The following PDE6B variants were observed in gnomAD, a reference collection of about 807,000 sequenced individuals.
PDE6B encodes phosphodiesterase 6B, also known as rod cGMP-specific 3',5'-cyclic phosphodiesterase subunit beta.
A neutral mutation model predicts 109.0 loss-of-function variants in PDE6B; 106 were observed. The ratio of observed to expected loss-of-function variants is 0.97; its 90% CI spans 0.83 to 1.14. The LOEUF (loss-of-function observed/expected upper bound fraction) is 1.14. Ranked by LOEUF, PDE6B falls within the 50% of genes most tolerant of loss-of-function variation. PDE6B has a pLI of 0.00. For missense variants in PDE6B, 1,193 were observed against 1,155.6 expected, an observed-to-expected ratio of 1.03 and a Z score of -0.47; for synonymous variants, 490 against 471.3, an observed-to-expected ratio of 1.04 and a Z score of -0.51.
In PDE6B at chr4:633,884, C is replaced by T. The variant is rs1017980937; in HGVS notation, c.469-793C>T. 2.0e-5 allele frequency among the ~76,000 whole-genome samples: 3 copies of T among 152,162 alleles called. No individual in the cohort carries two copies. Among genetic ancestry groups the T allele is most frequent in the Admixed American group, 2.0e-4 (3 of 15,282 alleles). On this transcript the variant is annotated intron_variant, in intron 1 of 21. Coordinates refer to ENST00000496514, the MANE Select transcript of PDE6B (RefSeq NM_000283.4). This position sits in a 1 kb window ranked among gnomAD's most constrained non-coding sequence, Gnocchi z 4.5. Reference sequence around the variant, plus strand: ...ACCGGGGGGTGTCTGGTCTCAGTAACCCTCGCTGTGTCTGAGCTGAGGCAG... The same window carrying T: ...ACCGGGGGGTGTCTGGTCTCAGTAATCCTCGCTGTGTCTGAGCTGAGGCAG...
At position 665,199 on chromosome 4, in the gene PDE6B, G is replaced by T; in HGVS notation, c.2194-56G>T. ...GCTCGGAGCCTCACGGGGCGGGCCC[G>T]GGCCCTTCCGCGTGGGCTCAGAGCT... On this transcript the variant is annotated intron_variant, in intron 18 of 21. Coordinates refer to ENST00000496514, the MANE Select transcript of PDE6B (RefSeq NM_000283.4). The surrounding 1 kb of genome is among the most constrained non-coding windows in gnomAD (Gnocchi z 4.0). The T allele has an allele frequency of 7.6e-7, 1 of 1,322,658 alleles. No homozygotes were observed. The highest frequency in any genetic ancestry group is 2.4e-5 in the East Asian group (1 of 42,430). The allele number at this position is 1,322,658 out of a possible 1,614,324, so 81.9% of individuals were successfully genotyped here.
Position 665,007 on chromosome 4 carries a change from G to C in PDE6B, c.2193+63G>C. 1 of 1,347,452 alleles carries C rather than the reference G, an allele frequency of 7.4e-7. No individual in the cohort carries two copies. The highest frequency in any genetic ancestry group is 1.1e-6 in the Non-Finnish European group (1 of 938,518). The allele number at this position is 1,347,452 out of a possible 1,614,324, so 83.5% of individuals were successfully genotyped here. On this transcript the variant is annotated intron_variant, in intron 18 of 21. Transcript: ENST00000496514. This position sits in a 1 kb window ranked among gnomAD's most constrained non-coding sequence, Gnocchi z 4.0. ...CTCTCAGCACATGGGACTGCCGGGC[G>C]GGCGGGAGCCTCGGATGGCAACGGA...
chr4:632,864 T>G (rs1285348498), intron 1 of PDE6B, among the ~76,000 whole-genome samples: 2 of 152,190 alleles, frequency 1.3e-5, no homozygotes, highest in African/African-American at 4.8e-5. Context: ...CTTTCCATAA[T>G]CACTGGTATA....
chr4:664,253 C>G (rs769346307), intron 17 of PDE6B, 32 bp downstream of exon 17: 1 of 1,219,998 alleles, frequency 8.2e-7, no homozygotes, highest in Admixed American at 1.7e-5. Flanking sequence ...ACGAGGGGTC[C>G]TTCCCTCGCA....
At chr4:654,040 C>G (rs993489206) in intron 4 of PDE6B, 40 bp from the exon 5 acceptor site, 11 of 1,613,396 alleles carry the variant, frequency 6.8e-6, no homozygotes, top group Non-Finnish European at 8.5e-6. Context: ...CGACCCAGGT[C>G]CCGCAGTGAC....
intron 3 of PDE6B, among the ~76,000 whole-genome samples, chr4:649,409 C>T (rs1214778269): frequency 6.6e-6 from 1 of 152,052 alleles, no homozygotes; most frequent in Admixed American, 6.5e-5. Context: ...CAGGGGGAAA[C>T]GTCTCCAGAA....
At position 666,429 on chromosome 4, in the gene PDE6B, G is replaced by GT; in HGVS notation, c.2269-101dup. 1.3e-6 allele frequency: 1 copy of GT among 793,902 alleles called. No homozygotes were observed. The highest frequency in any genetic ancestry group is 2.3e-6 in the Non-Finnish European group (1 of 443,558). The allele number at this position is 793,902 out of a possible 1,614,324, so 49.2% of individuals were successfully genotyped here. A position where few individuals can be genotyped will look rare whatever the true frequency, so the allele number is the denominator to read the frequency against. On this transcript the variant is annotated intron_variant, in intron 19 of 21. Coordinates refer to ENST00000496514, the MANE Select transcript of PDE6B (RefSeq NM_000283.4). The surrounding 1 kb of genome is among the most constrained non-coding windows in gnomAD (Gnocchi z 5.6). ...GTCAGGCAGGCTCGTCCCAGGCTGT[G>GT]TCTCCATGAGCACATCTGAGTGAGG...
rs977342960 is a variant in PDE6B, at chr4:665,609, A to G, written c.2268+280A>G. Among the ~76,000 whole-genome samples the G allele has an allele frequency of 2.6e-5, 4 of 152,142 alleles. No homozygotes were observed. The highest frequency in any genetic ancestry group is 5.9e-5 in the Non-Finnish European group (4 of 68,014). On this transcript the variant is annotated intron_variant, in intron 19 of 21. Transcript: ENST00000496514. The surrounding 1 kb of genome is among the most constrained non-coding windows in gnomAD (Gnocchi z 4.0). ...AGCCTCTGGGTCCAGGCAGCTCTGC[A>G]GGTGAACCCCAGCAGGGCCGCGAGC...
Position 654,020 on chromosome 4 carries a change from C to T in PDE6B, c.852+28C>T. On this transcript the variant is annotated intron_variant, in intron 4 of 21. Coordinates refer to ENST00000496514, the MANE Select transcript of PDE6B (RefSeq NM_000283.4). ...GAGGCTTCCGTGGCTCAGGGACCCC[C>T]TGCCTGGCCCGACCCAGGTCCCGCA... The T allele has an allele frequency of 1.9e-6, 3 of 1,613,760 alleles. No individual in the cohort carries two copies. The South Asian group carries it at 3.3e-5, about 18-fold the overall frequency.
Position 666,404 on chromosome 4 carries a change from G to A in PDE6B, c.2269-127G>A, listed in dbSNP as rs1314290062. On this transcript the variant is annotated intron_variant, in intron 19 of 21. Coordinates refer to ENST00000496514, the MANE Select transcript of PDE6B (RefSeq NM_000283.4). This position sits in a 1 kb window ranked among gnomAD's most constrained non-coding sequence, Gnocchi z 5.6. ...CTTCCCCTCCCGAGAGCCAGTTTCTGTCAGGCAGGCTCGTCCCAGGCTGTG... is the reference window on the plus strand; with the variant it reads ...CTTCCCCTCCCGAGAGCCAGTTTCTATCAGGCAGGCTCGTCCCAGGCTGTG... 7 of 719,234 alleles carry A rather than the reference G, an allele frequency of 9.7e-6. No homozygotes were observed. Among genetic ancestry groups the A allele is most frequent in the African/African-American group, 3.5e-5 (2 of 57,608 alleles). The allele number at this position is 719,234 out of a possible 1,614,324, so 44.6% of individuals were successfully genotyped here. A position where few individuals can be genotyped will look rare whatever the true frequency, so the allele number is the denominator to read the frequency against.
At chr4:667,821 G>A in intron 20 of PDE6B, 35 bp from the exon 21 acceptor site, 1 of 1,606,950 alleles carries the variant, frequency 6.2e-7, no homozygotes, top group South Asian at 1.1e-5. Context: ...GAGCAGGCAG[G>A]ACAGGACTGG....
At chr4:638,469 C>G (rs1734798642) in intron 3 of PDE6B, among the ~76,000 whole-genome samples, 1 of 151,802 alleles carries the variant, frequency 6.6e-6, no homozygotes, top group South Asian at 2.1e-4. Flanking sequence ...ATTACAGGCG[C>G]CCACCACCAC....
At chr4:629,265 A>G (rs1436812921) in intron 1 of PDE6B, among the ~76,000 whole-genome samples, 1 of 151,954 alleles carries the variant, frequency 6.6e-6, no homozygotes, top group African/African-American at 2.4e-5. Context: ...CGCCGCCCAC[A>G]CCTGATGAGG....
chr4:661,942 G>A, intron 12 of PDE6B, 192 bp from the exon 13 acceptor site: 2 of 626,562 alleles, frequency 3.2e-6, no homozygotes, highest in Non-Finnish European at 2.9e-6. Context: ...GTGCCAATGT[G>A]GCAGCCCCTA....
Position 666,484 on chromosome 4 carries a change from G to A in PDE6B, c.2269-47G>A, listed in dbSNP as rs1360159990. 7.5e-7 allele frequency: 1 copy of A among 1,336,316 alleles called. No individual in the cohort carries two copies. Among genetic ancestry groups the A allele is most frequent in the Non-Finnish European group, 1.1e-6 (1 of 927,988 alleles). 82.8% of individuals were successfully genotyped at this position (1,336,316 alleles called of 1,614,324 possible). A position where few individuals can be genotyped will look rare whatever the true frequency, so the allele number is the denominator to read the frequency against. On this transcript the variant is annotated intron_variant, in intron 19 of 21. Coordinates refer to ENST00000496514, the MANE Select transcript of PDE6B (RefSeq NM_000283.4). This position sits in a 1 kb window ranked among gnomAD's most constrained non-coding sequence, Gnocchi z 5.6. ...CGGGGGGCTGGGCGGGGCCCCAGGA[G>A]CTGCCTCCCTGGTCACTGTTCTCCC... is the stretch of plus-strand genomic sequence containing the variant.
In PDE6B at chr4:667,979, G is replaced by A. The variant is rs368110918; in HGVS notation, c.2476G>A (p.Glu826Lys). 7 of 1,612,742 alleles carry A rather than the reference G, an allele frequency of 4.3e-6. No individual in the cohort carries two copies. The highest frequency in any genetic ancestry group is 2.7e-5 in the African/African-American group (2 of 74,902). Residue 826 changes from glutamate (E) to lysine (K), a missense_variant, in exon 21 of 22, where the codon GAG becomes AAG. Transcript: ENST00000496514. ...AKVKALEEKE[E>K]EERVAAKKVG... The stretch of plus-strand genomic sequence containing the variant: ...AGTGAAGGCTCTGGAGGAGAAGGAG[G>A]AGGAGGAGAGGGTGGCAGCCAAGAA...
At chr4:641,088 G>T (rs569038549) in intron 3 of PDE6B, among the ~76,000 whole-genome samples, 67 of 152,314 alleles carry the variant, frequency 4.4e-4, no homozygotes, top group African/African-American at 1.4e-3. Context: ...TACTGGTATT[G>T]TAATTGGGAC....
At chr4:627,675 C>T (rs1312041529) in intron 1 of PDE6B, among the ~76,000 whole-genome samples, 1 of 144,350 alleles carries the variant, frequency 6.9e-6, no homozygotes, top group African/African-American at 2.5e-5. Context: ...CCTCCTCCCT[C>T]CTCCCCTCAC....
At chr4:650,853 C>T (rs1203475079) in intron 3 of PDE6B, among the ~76,000 whole-genome samples, 2 of 152,230 alleles carry the variant, frequency 1.3e-5, no homozygotes, top group Admixed American at 6.5e-5. Flanking sequence ...AAAATCCACC[C>T]GCCACACGCT....
Sources: allele counts gnomAD v4.1 joint callset (sites outside exome capture counted in the v4.1 genomes callset), GRCh38; gene constraint gnomAD v4.1.1; non-coding constraint Gnocchi (gnomAD v3.1); transcripts MANE v1.5; gene names NCBI Gene and HGNC (gene_info 2026-07-23, HGNC 2026-07-21).